Variants in PDE10A observed in about 807,000 individuals in gnomAD.
The protein encoded by PDE10A is cAMP and cAMP-inhibited cGMP 3',5'-cyclic phosphodiesterase 10A.
In PDE10A, 39 loss-of-function variants were observed where a neutral mutation model predicts 97.7. The ratio of observed to expected loss-of-function variants is 0.40; its 90% confidence interval spans 0.31 to 0.52. The LOEUF is 0.52. Among genes scored for constraint, PDE10A ranks in the 20% least tolerant of loss-of-function variants. The probability of loss-of-function intolerance (pLI) is 0.56; values close to 1 mark genes in which losing one functional copy is unlikely to be tolerated. For missense variants in PDE10A, 731 were observed against 1,047.8 expected (o/e 0.70, Z 4.17); for synonymous variants, 371 against 376.8 (o/e 0.98, Z 0.18).
At chr6:165,954,272 A>T (rs1784062087) in intron 1 of PDE10A, among the ~76,000 whole-genome samples, 1 of 152,224 alleles carries the variant, frequency 6.6e-6, no homozygotes, top group Non-Finnish European at 1.5e-5. Context: ...AGATGAAAAT[A>T]TTATAGTAGA....
chr6:165,946,281 G>C (rs974931728), intron 1 of PDE10A, among the ~76,000 whole-genome samples: 3 of 152,146 alleles, frequency 2.0e-5, no homozygotes, highest in Admixed American at 6.5e-5. Context: ...TGGATCACGA[G>C]GTCAGGAGAT....
At chr6:165,795,830 A>T (rs1237692656) in intron 1 of PDE10A, among the ~76,000 whole-genome samples, 1 of 152,134 alleles carries the variant, frequency 6.6e-6, no homozygotes, top group Admixed American at 6.5e-5. Context: ...ACCCCTGAAG[A>T]CATTCTTACT....
chr6:165,765,132 T>G (rs957584147), intron 1 of PDE10A, among the ~76,000 whole-genome samples: 1 of 151,856 alleles, frequency 6.6e-6, no homozygotes, highest in Non-Finnish European at 1.5e-5. Context: ...TTGAGCTAGA[T>G]ACAGAGTGCC....
chr6:165,334,388 C>G (rs1781522021), intron 21 of PDE10A, among the ~76,000 whole-genome samples: 1 of 150,978 alleles, frequency 6.6e-6, no homozygotes, highest in African/African-American at 2.4e-5. Context: ...CAGCGCCGGG[C>G]ACGCGCCTCC....
At chr6:165,682,788 C>T (rs1400168276) in intron 1 of PDE10A, among the ~76,000 whole-genome samples, 1 of 152,134 alleles carries the variant, frequency 6.6e-6, no homozygotes, top group East Asian at 1.9e-4. Context: ...ACCATATTTA[C>T]CATCAACAGG....
chr6:165,986,014 T>TG (rs1240927487), intron 1 of PDE10A: 1 of 152,704 alleles, frequency 6.5e-6, no homozygotes, highest in African/African-American at 2.4e-5. Flanking sequence ...TGATGAAGCG[T>TG]GGCGAGGGCA....
At chr6:165,791,901 G>A (rs1437578849) in intron 1 of PDE10A, among the ~76,000 whole-genome samples, 1 of 152,174 alleles carries the variant, frequency 6.6e-6, no homozygotes, top group African/African-American at 2.4e-5. Flanking sequence ...AATCCTGACT[G>A]TCTACTTGCC....
At chr6:165,806,042 TAAAAAAA>T (rs67104260) in intron 1 of PDE10A, among the ~76,000 whole-genome samples, 1,565 of 73,146 alleles carry the variant, frequency 0.021, 43 homozygotes, top group African/African-American at 0.083. Context: ...GCTTGATTAT[TAAAAAAA>T]AAAAAAAAAA....
At chr6:165,809,227 A>C (rs1205337616) in intron 1 of PDE10A, among the ~76,000 whole-genome samples, 7 of 152,116 alleles carry the variant, frequency 4.6e-5, no homozygotes, top group Non-Finnish European at 7.4e-5. Flanking sequence ...GCCCCCCTTC[A>C]TCCTCTGCAG....
chr6:165,437,229 G>A (rs907125015), intron 5 of PDE10A, among the ~76,000 whole-genome samples: 1 of 146,074 alleles, frequency 6.8e-6, no homozygotes, highest in Non-Finnish European at 1.5e-5. Context: ...AATGTAAAAC[G>A]CACATCTTTT....
At chr6:165,638,310 G>A (rs533903804) in intron 1 of PDE10A, among the ~76,000 whole-genome samples, 34 of 152,246 alleles carry the variant, frequency 2.2e-4, no homozygotes, top group African/African-American at 8.2e-4. Flanking sequence ...AGCACAGTAA[G>A]AGTCAAAACT....
At chr6:165,927,608 C>G (rs192928202) in intron 1 of PDE10A, among the ~76,000 whole-genome samples, 127 of 136,168 alleles carry the variant, frequency 9.3e-4, no homozygotes, top group African/African-American at 3.4e-3. Flanking sequence ...TCTTTTTTTT[C>G]TCGTTTTTCT....
intron 1 of PDE10A, among the ~76,000 whole-genome samples, chr6:165,979,536 A>G (rs1784947803): frequency 6.6e-6 from 1 of 152,242 alleles, no homozygotes; most frequent in Admixed American, 6.5e-5. Flanking sequence ...TATAGTTTCT[A>G]TTAAATAAGA....
intron 1 of PDE10A, among the ~76,000 whole-genome samples, chr6:165,670,513 G>A (rs1177752864): frequency 3.3e-5 from 5 of 152,136 alleles, no homozygotes; most frequent in Admixed American, 2.0e-4. Context: ...CAAGATTAAC[G>A]TGTGCATTCT....
chr6:165,578,050 G>A lies in PDE10A; in HGVS notation c.866-34482C>T, dbSNP rs1294519760. On this transcript the variant is annotated intron_variant, in intron 1 of 21. Transcript: ENST00000539869. ...CAGGAGTGCCCACTGGGTGAGCCACGACCTTGAGCTCAGTACAAGCAGGAA... is the reference window on the plus strand; with the variant it reads ...CAGGAGTGCCCACTGGGTGAGCCACAACCTTGAGCTCAGTACAAGCAGGAA... Among the ~76,000 whole-genome samples the A allele has an allele frequency of 3.3e-5, 5 of 152,280 alleles. No individual in the cohort carries two copies. The South Asian group carries it at 6.2e-4, about 19-fold the overall frequency.
intron 1 of PDE10A, among the ~76,000 whole-genome samples, chr6:165,648,659 C>T (rs949859025): frequency 6.6e-6 from 1 of 151,906 alleles, no homozygotes; most frequent in African/African-American, 2.4e-5. Context: ...AAAAATGGAC[C>T]AACACAAAAC....
At chr6:165,854,641 G>A (rs984104278) in intron 1 of PDE10A, among the ~76,000 whole-genome samples, 1 of 152,174 alleles carries the variant, frequency 6.6e-6, no homozygotes, top group Non-Finnish European at 1.5e-5. Context: ...AGCGGGTGGC[G>A]AAGGTGCAGG....
intron 1 of PDE10A, among the ~76,000 whole-genome samples, chr6:165,706,828 G>A (rs781632865): frequency 2.0e-5 from 3 of 152,024 alleles, no homozygotes; most frequent in Non-Finnish European, 2.9e-5. Flanking sequence ...AAAGAAAAGC[G>A]GATTTTTCAA....
intron 2 of PDE10A, among the ~76,000 whole-genome samples, chr6:165,509,484 G>A (rs560819987): frequency 1.8e-4 from 28 of 151,914 alleles, no homozygotes; most frequent in Admixed American, 2.6e-4. Flanking sequence ...GATTGCAATC[G>A]CCTTGCAATA....
Sources: gnomAD v4.1 joint callset for allele counts (sites outside exome capture counted in the v4.1 genomes callset) on GRCh38, gnomAD v4.1.1 for gene constraint, MANE v1.5 for transcripts, NCBI Gene and HGNC (gene_info 2026-07-23, HGNC 2026-07-21) for gene names.